The following USP22 variants were observed in gnomAD, a reference collection of about 807,000 sequenced individuals.
The protein encoded by USP22 is ubiquitin carboxyl-terminal hydrolase 22.
USP22 carries 22 observed loss-of-function variants against 68.1 expected under a neutral mutation model. The ratio of observed to expected loss-of-function variants is 0.32; its 90% CI spans 0.23 to 0.46. USP22 has a LOEUF of 0.46. USP22 is among the 20% of genes least tolerant of loss of function. The probability of loss-of-function intolerance (pLI) is 1.00; values close to 1 mark genes in which losing one functional copy is unlikely to be tolerated. For missense variants in USP22, 433 were observed against 695.8 expected (o/e 0.62, Z 4.25); for synonymous variants, 279 against 274.2 (o/e 1.02, Z -0.17).
chr17:21,035,000 T>C (rs1972336342), intron 1 of USP22, among the ~76,000 whole-genome samples: 1 of 151,868 alleles, frequency 6.6e-6, no homozygotes, highest in South Asian at 2.1e-4. Context: ...AGGATGGGGG[T>C]GAGTACTCTA....
intron 3 of USP22, among the ~76,000 whole-genome samples, chr17:21,020,331 C>T (rs1972140982): frequency 1.3e-5 from 2 of 150,464 alleles, no homozygotes; most frequent in Non-Finnish European, 3.0e-5. Context: ...TGCATGTTTG[C>T]TCCTCTCACT....
In USP22 at chr17:21,011,129, C is replaced by T. The variant is rs199837516; in HGVS notation, c.1103+22G>A. On this transcript the variant is annotated intron_variant, in intron 8 of 12. Coordinates refer to ENST00000261497, the MANE Select transcript of USP22 (RefSeq NM_015276.2). Reference sequence around the variant, plus strand: ...TTCTGGCCAGGAGACACGCCCCCGCCGTGTGGGTGCAGGCCTCTCACCGTC... The same window carrying T: ...TTCTGGCCAGGAGACACGCCCCCGCTGTGTGGGTGCAGGCCTCTCACCGTC... The T allele has an allele frequency of 1.2e-5, 19 of 1,562,272 alleles. No homozygotes were observed. In the East Asian group the frequency reaches 2.7e-4, roughly 22 times the overall value.
chr17:21,008,780 A>T (rs947683971), intron 8 of USP22, among the ~76,000 whole-genome samples: 2 of 152,158 alleles, frequency 1.3e-5, no homozygotes, highest in Non-Finnish European at 2.9e-5. Flanking sequence ...TCTCAACATA[A>T]GCAGTTTAAT....
chr17:21,043,360 G>A, upstream of USP22: 1 of 221,680 alleles, frequency 4.5e-6, no homozygotes, highest in South Asian at 1.0e-4. Context: ...AGTCCGTCTG[G>A]TACAGAGCCG....
chr17:21,008,528 A>T (rs762210176), intron 8 of USP22, among the ~76,000 whole-genome samples: 3 of 152,202 alleles, frequency 2.0e-5, no homozygotes, highest in African/African-American at 7.2e-5. Flanking sequence ...GGGTTCCGTT[A>T]TATCATTCAG....
At chr17:21,018,704 G>A (rs8071102) in intron 4 of USP22, among the ~76,000 whole-genome samples, 19 of 150,272 alleles carry the variant, frequency 1.3e-4, no homozygotes, top group South Asian at 2.1e-4. Context: ...TCTCAAAAAA[G>A]AAAAAGAAAA....
chr17:21,012,697 A>G, intron 7 of USP22, 133 bp downstream of exon 7: 3 of 800,882 alleles, frequency 3.7e-6, no homozygotes, highest in Non-Finnish European at 3.9e-6. Flanking sequence ...CTTCGCTCTC[A>G]TGGCGTCTAT....
At chr17:21,021,526 C>T (rs1229527557) in intron 2 of USP22, among the ~76,000 whole-genome samples, 3 of 152,158 alleles carry the variant, frequency 2.0e-5, no homozygotes, top group South Asian at 2.1e-4. Flanking sequence ...TCTCTGAATG[C>T]GTGGTATTTA....
intron 1 of USP22, among the ~76,000 whole-genome samples, chr17:21,036,783 C>T (rs768089163): frequency 1.8e-4 from 28 of 152,170 alleles, no homozygotes; most frequent in Non-Finnish European, 3.8e-4. Flanking sequence ...AAATTACAGA[C>T]GTGTATATGC....
intron 6 of USP22, among the ~76,000 whole-genome samples, chr17:21,015,013 T>C (rs564322662): frequency 6.6e-6 from 1 of 152,340 alleles, no homozygotes. Flanking sequence ...CACACTCATC[T>C]GAGAATCACC....
intron 6 of USP22, among the ~76,000 whole-genome samples, chr17:21,013,892 G>A (rs1410185848): frequency 6.6e-6 from 1 of 152,186 alleles, no homozygotes. Context: ...GGCTAACACG[G>A]TGAAACCCCG....
intron 2 of USP22, among the ~76,000 whole-genome samples, chr17:21,023,075 A>G: frequency 6.6e-6 from 1 of 152,192 alleles, no homozygotes; most frequent in Non-Finnish European, 1.5e-5. Context: ...CTAACATAGG[A>G]ACAGAAAAAC....
intron 3 of USP22, 78 bp downstream of exon 3, chr17:21,021,035 C>A: frequency 8.2e-7 from 1 of 1,219,214 alleles, no homozygotes; most frequent in Non-Finnish European, 1.2e-6. Context: ...AGGTACTTCT[C>A]TTTCTCCTAC....
intron 1 of USP22, among the ~76,000 whole-genome samples, chr17:21,032,982 G>C (rs1013349998): frequency 6.8e-6 from 1 of 147,142 alleles, no homozygotes; most frequent in African/African-American, 2.6e-5. Context: ...AGGCACCCTT[G>C]CAGCTCATGT....
At chr17:21,041,421 A>C (rs1004539102) in intron 1 of USP22, among the ~76,000 whole-genome samples, 49 of 151,884 alleles carry the variant, frequency 3.2e-4, no homozygotes, top group African/African-American at 1.1e-3. Flanking sequence ...AACATGGTGA[A>C]ACCCCGTCTC....
At chr17:21,014,345 A>G (rs1340568825) in intron 6 of USP22, among the ~76,000 whole-genome samples, 1 of 152,252 alleles carries the variant, frequency 6.6e-6, no homozygotes, top group Non-Finnish European at 1.5e-5. Context: ...TGCTGCTTAC[A>G]GAAGGCTCTT....
intron 8 of USP22, among the ~76,000 whole-genome samples, chr17:21,010,692 ATAT>A: frequency 6.6e-6 from 1 of 152,138 alleles, no homozygotes; most frequent in Non-Finnish European, 1.5e-5. Context: ...CACTTTGTAA[ATAT>A]TATTACTTAT....
chr17:21,021,975 C>T (rs916122204), intron 2 of USP22, among the ~76,000 whole-genome samples: 1 of 152,130 alleles, frequency 6.6e-6, no homozygotes, highest in Non-Finnish European at 1.5e-5. Flanking sequence ...TGGCACACGC[C>T]TGTAACCCCA....
chr17:21,036,187 G>A (rs1417208496), intron 1 of USP22, among the ~76,000 whole-genome samples: 1 of 152,048 alleles, frequency 6.6e-6, no homozygotes, highest in Non-Finnish European at 1.5e-5. Flanking sequence ...CCGAGATGGA[G>A]ACGAGACCAG....
Sources: gnomAD v4.1 joint callset for allele counts (sites outside exome capture counted in the v4.1 genomes callset) on GRCh38, gnomAD v4.1.1 for gene constraint, MANE v1.5 for transcripts, NCBI Gene and HGNC (gene_info 2026-07-23, HGNC 2026-07-21) for gene names.